VPS13A: variants seen among roughly 807,000 people sequenced by gnomAD.
VPS13A encodes vacuolar protein sorting 13 homolog A.
VPS13A carries 264 observed loss-of-function variants against 390.9 expected under a neutral mutation model. The observed-to-expected ratio is 0.68, with a 90% CI of 0.61 to 0.75. The LOEUF (loss-of-function observed/expected upper bound fraction) is 0.75, where lower values mean the gene tolerates loss of function less well. Ranked by LOEUF, VPS13A falls within the 30% of genes least tolerant of loss-of-function variation. The pLI is 0.00. For synonymous variants in VPS13A, 1,231 were observed against 1,227.1 expected (o/e 1.00, Z -0.07); for missense variants, 3,409 against 3,733.9 (o/e 0.91, Z 2.27).
At chr9:77,361,922 A>G (rs1832162981) in intron 59 of VPS13A, among the ~76,000 whole-genome samples, 1 of 152,102 alleles carries the variant, frequency 6.6e-6, no homozygotes, top group South Asian at 2.1e-4. Context: ...CATCTTTGAT[A>G]TGTTGATTAT....
In VPS13A at chr9:77,295,771, T is replaced by C. The variant is rs771224722; in HGVS notation, c.3737T>C (p.Ile1246Thr). 6.2e-7 allele frequency: 1 copy of C among 1,614,044 alleles called. No individual in the cohort carries two copies. The highest frequency in any genetic ancestry group is 1.7e-4 in the Middle Eastern group (1 of 6,058). ...ACAATGACAAATACCTTTCATATGATAACAGAGAGCCAGAGCTCTCCCCCA... is the reference window on the plus strand; with the variant it reads ...ACAATGACAAATACCTTTCATATGACAACAGAGAGCCAGAGCTCTCCCCCA... ...LITMTNTFHM[I>T]TESQSSPPPV... Residue 1246 changes from isoleucine to threonine, a missense_variant, in exon 33 of 72, where the codon ATA becomes ACA. Coordinates refer to ENST00000360280, the MANE Select transcript of VPS13A (RefSeq NM_033305.3).
chr9:77,349,315 A>C (rs1031915242), intron 52 of VPS13A, among the ~76,000 whole-genome samples: 5 of 150,898 alleles, frequency 3.3e-5, no homozygotes, highest in African/African-American at 1.2e-4. Flanking sequence ...TCTAACTTTT[A>C]TTATAGGTTC....
chr9:77,393,332 C>G (rs544035966), intron 68 of VPS13A, among the ~76,000 whole-genome samples: 2 of 152,304 alleles, frequency 1.3e-5, no homozygotes, highest in Non-Finnish European at 1.5e-5. Flanking sequence ...GTCTTGAACC[C>G]TCAAAGTCAT....
intron 23 of VPS13A, among the ~76,000 whole-genome samples, chr9:77,264,330 A>G (rs1048680250): frequency 3.9e-5 from 6 of 152,192 alleles, no homozygotes; most frequent in African/African-American, 1.4e-4. Context: ...AATTCTGTGA[A>G]GAAAGTCAAT....
At chr9:77,183,917 C>T (rs1264313260) in intron 1 of VPS13A, among the ~76,000 whole-genome samples, 2 of 152,198 alleles carry the variant, frequency 1.3e-5, no homozygotes, top group African/African-American at 4.8e-5. Context: ...CATGTTTTGT[C>T]ACATACCTGT....
At chr9:77,191,543 C>G (rs921041250) in intron 1 of VPS13A, among the ~76,000 whole-genome samples, 1 of 152,048 alleles carries the variant, frequency 6.6e-6, no homozygotes, top group Non-Finnish European at 1.5e-5. Flanking sequence ...AAGTGATCCC[C>G]CCACCTAAGC....
chr9:77,221,293 A>G lies in VPS13A; in HGVS notation c.1098A>G (p.Lys366=), dbSNP rs758252532. 24 of 1,613,590 alleles carry G rather than the reference A, an allele frequency of 1.5e-5. No homozygotes were observed. The highest frequency in any genetic ancestry group is 1.7e-4 in the Middle Eastern group (1 of 6,042). The change falls in exon 13 of 72, where the codon AAA becomes AAG. Residue 366 remains lysine, a synonymous_variant. Transcript: ENST00000360280. ...RKHRQKVKQY[K]ELYKKKLTSK... The stretch of plus-strand genomic sequence containing the variant: ...ATAGGCAAAAAGTGAAGCAATATAA[A>G]GAACTGTATAAAAAAAAGTTAACAA...
chr9:77,348,457 C>T (rs961734242), intron 52 of VPS13A, among the ~76,000 whole-genome samples: 2 of 152,138 alleles, frequency 1.3e-5, no homozygotes, highest in Non-Finnish European at 2.9e-5. Context: ...CACACTGGGG[C>T]CTGTTGGGGG....
chr9:77,408,426 G>A (rs548856830), intron 71 of VPS13A, among the ~76,000 whole-genome samples: 1 of 152,358 alleles, frequency 6.6e-6, no homozygotes, highest in South Asian at 2.1e-4. Context: ...TGTCACTGGG[G>A]AGTGTCGGAA....
rs1333269464 is a variant in VPS13A, at chr9:77,416,166, A to G, written c.*160A>G. 8.4e-6 allele frequency: 7 copies of G among 831,456 alleles called. No homozygotes were observed. In the East Asian group the frequency reaches 1.8e-4, roughly 21 times the overall value. The allele number at this position is 831,456 out of a possible 1,614,324, so 51.5% of individuals were successfully genotyped here. ...AACAAAAAAACAAAAACAAAAAAACAAAACCAGAATCAGGTAAAACAGCTA... is the reference window on the plus strand; with the variant it reads ...AACAAAAAAACAAAAACAAAAAAACGAAACCAGAATCAGGTAAAACAGCTA... On this transcript the variant is annotated 3_prime_UTR_variant, in exon 72 of 72. Transcript: ENST00000360280.
At chr9:77,383,461 A>G (rs1317332412) in intron 68 of VPS13A, among the ~76,000 whole-genome samples, 1 of 152,142 alleles carries the variant, frequency 6.6e-6, no homozygotes, top group Non-Finnish European at 1.5e-5. Flanking sequence ...TTTCTACCCA[A>G]TACCTGCCTT....
At chr9:77,189,121 GTCCCACT>G (rs1824519586) in intron 1 of VPS13A, among the ~76,000 whole-genome samples, 1 of 141,074 alleles carries the variant, frequency 7.1e-6, no homozygotes, top group Non-Finnish European at 1.5e-5. Context: ...GTTTAATTAG[GTCCCACT>G]TGCCTTTTTT....
At chr9:77,335,356 T>C (rs910550409) in intron 46 of VPS13A, among the ~76,000 whole-genome samples, 5 of 151,978 alleles carry the variant, frequency 3.3e-5, no homozygotes, top group Non-Finnish European at 5.9e-5. Context: ...AATTGACAAA[T>C]GGGATCTAAT....
chr9:77,237,857 A>G, intron 17 of VPS13A, 145 bp from the exon 18 acceptor site: 1 of 630,008 alleles, frequency 1.6e-6, no homozygotes. Context: ...TAGAGGAATC[A>G]TTGTATGTCT....
At chr9:77,361,887 TTACC>T (rs140886516) in intron 59 of VPS13A, among the ~76,000 whole-genome samples, 1,843 of 152,248 alleles carry the variant, frequency 0.012, 37 homozygotes, top group African/African-American at 0.042. Flanking sequence ...TGACATGTAA[TTACC>T]TGATGACTAA....
chr9:77,389,318 T>G, intron 68 of VPS13A, among the ~76,000 whole-genome samples: 1 of 151,742 alleles, frequency 6.6e-6, no homozygotes, highest in Non-Finnish European at 1.5e-5. Context: ...CTTTTTTTTT[T>G]TTTTTTTGAG....
intron 44 of VPS13A, 114 bp from the exon 45 acceptor site, chr9:77,322,953 G>C (rs377562318): frequency 1.2e-6 from 1 of 829,860 alleles, no homozygotes. Context: ...AAAGACTCTA[G>C]TGACTATTAT....
intron 13 of VPS13A, among the ~76,000 whole-genome samples, chr9:77,223,790 G>A (rs1823355848): frequency 6.6e-6 from 1 of 152,158 alleles, no homozygotes; most frequent in African/African-American, 2.4e-5. Flanking sequence ...ATCTAGCTAA[G>A]ATCATTGATG....
At chr9:77,374,737 T>C (rs1001479263) in intron 67 of VPS13A, among the ~76,000 whole-genome samples, 1 of 152,186 alleles carries the variant, frequency 6.6e-6, no homozygotes, top group Non-Finnish European at 1.5e-5. Flanking sequence ...AAATGAAATT[T>C]AGTGTAAGGG....
Sources: gnomAD v4.1 joint callset for allele counts (sites outside exome capture counted in the v4.1 genomes callset) on GRCh38, gnomAD v4.1.1 for gene constraint, MANE v1.5 for transcripts, NCBI Gene and HGNC (gene_info 2026-07-23, HGNC 2026-07-21) for gene names.